CCNB2: variants seen among roughly 807,000 people sequenced by gnomAD.
CCNB2 encodes G2/mitotic-specific cyclin-B2.
A neutral mutation model predicts 51.1 loss-of-function variants in CCNB2; 39 were observed. The ratio of observed to expected loss-of-function variants is 0.76; its 90% CI spans 0.59 to 1.00. The LOEUF is 1.00. Ranked by LOEUF, CCNB2 falls within the 50% of genes least tolerant of loss-of-function variation. The probability of loss-of-function intolerance (pLI) is 0.00; values close to 1 mark genes in which losing one functional copy is unlikely to be tolerated. For missense variants in CCNB2, 472 were observed against 470.3 expected (o/e 1.00, Z -0.03); for synonymous variants, 174 against 165.5 (o/e 1.05, Z -0.40).
At chr15:59,112,144 A>T (rs1663005106) in intron 3 of CCNB2, among the ~76,000 whole-genome samples, 1 of 151,808 alleles carries the variant, frequency 6.6e-6, no homozygotes, top group Non-Finnish European at 1.5e-5. Flanking sequence ...GAGCCACCGC[A>T]CTTGGCCTGG....
In CCNB2 at chr15:59,105,180, C is replaced by A; in HGVS notation, c.-89C>A. The A allele has an allele frequency of 7.7e-7, 1 of 1,296,854 alleles. No homozygotes were observed. Among genetic ancestry groups the A allele is most frequent in the Non-Finnish European group, 1.1e-6 (1 of 926,416 alleles). 80.3% of individuals were successfully genotyped at this position (1,296,854 alleles called of 1,614,324 possible). On this transcript the variant is annotated 5_prime_UTR_variant, in exon 1 of 9. Coordinates refer to ENST00000288207, the MANE Select transcript of CCNB2 (RefSeq NM_004701.4). ...CAGCGCTGCGGGCTCGGAGAGCAGT[C>A]CTAACGGCGCCTCGTACGCTAGTGT...
chr15:59,121,925 CTG>C (rs1231867723), intron 7 of CCNB2, among the ~76,000 whole-genome samples: 1 of 101,550 alleles, frequency 9.8e-6, no homozygotes, highest in Non-Finnish European at 1.8e-5. Context: ...GAATGAGACT[CTG>C]TCTCAAAAAA....
intron 6 of CCNB2, 54 bp downstream of exon 6, chr15:59,116,980 A>G: frequency 1.4e-6 from 2 of 1,410,560 alleles, no homozygotes; most frequent in Non-Finnish European, 2.0e-6. Context: ...CTCATCCCAG[A>G]AACCTTGACC....
chr15:59,120,493 C>G (rs777888574), intron 7 of CCNB2, among the ~76,000 whole-genome samples: 1 of 151,932 alleles, frequency 6.6e-6, no homozygotes, highest in African/African-American at 2.4e-5. Flanking sequence ...TAGGAACTGG[C>G]TTGAAAGGAC....
intron 3 of CCNB2, among the ~76,000 whole-genome samples, chr15:59,112,379 C>G (rs1337470837): frequency 6.6e-6 from 1 of 150,932 alleles, no homozygotes; most frequent in Non-Finnish European, 1.5e-5. Flanking sequence ...GAGTCTCGCT[C>G]TGTCACCCAG....
chr15:59,105,358 T>C (rs1046722432), intron 1 of CCNB2, 66 bp downstream of exon 1: 1 of 1,499,562 alleles, frequency 6.7e-7, no homozygotes, highest in Non-Finnish European at 9.0e-7. Context: ...CTGTCGCTTC[T>C]CTCATCTGCT....
At position 59,123,550 on chromosome 15, in the gene CCNB2, G is replaced by C; in HGVS notation, c.1009G>C (p.Glu337Gln). 1.2e-6 allele frequency: 2 copies of C among 1,613,220 alleles called. No homozygotes were observed. Among genetic ancestry groups the C allele is most frequent in the Non-Finnish European group, 1.7e-6 (2 of 1,179,208 alleles). ...GCAGCAGTATTACACAGGATACACA[G>C]AGAATGAAGTATTGGAAGTCATGCA... ...LKQQYYTGYT[E>Q]NEVLEVMQHM... Residue 337 changes from glutamate to glutamine, a missense_variant, in exon 8 of 9, where the codon GAG (glutamate) becomes CAG (glutamine). Physicochemically the swap from Glu to Gln is conservative, Grantham distance 29 (BLOSUM62 2). Coordinates refer to ENST00000288207, the MANE Select transcript of CCNB2 (RefSeq NM_004701.4).
chr15:59,123,949 G>C (rs1309680139), intron 8 of CCNB2: 1 of 219,768 alleles, frequency 4.6e-6, no homozygotes, highest in Non-Finnish European at 9.3e-6. Context: ...CACTTTGCAA[G>C]CAGGGAAGGC....
chr15:59,113,823 C>A (rs139692114), intron 3 of CCNB2, among the ~76,000 whole-genome samples: 4 of 152,246 alleles, frequency 2.6e-5, no homozygotes, highest in African/African-American at 7.2e-5. Context: ...CCTCAGCCTC[C>A]TGAGTAGCTG....
chr15:59,105,352 C>G, intron 1 of CCNB2, 60 bp downstream of exon 1: 2 of 1,519,954 alleles, frequency 1.3e-6, no homozygotes, highest in Non-Finnish European at 1.8e-6. Flanking sequence ...GCTCCCCTGT[C>G]GCTTCTCTCA....
At chr15:59,121,968 A>G (rs529520590) in intron 7 of CCNB2, among the ~76,000 whole-genome samples, 3 of 141,672 alleles carry the variant, frequency 2.1e-5, no homozygotes, top group African/African-American at 8.1e-5. Flanking sequence ...AAAAGGAGAA[A>G]TTACCCAGGC....
At chr15:59,115,304 C>T (rs2079274494) in intron 5 of CCNB2, among the ~76,000 whole-genome samples, 1 of 152,116 alleles carries the variant, frequency 6.6e-6, no homozygotes, top group South Asian at 2.1e-4. Context: ...TCCACATTTC[C>T]AGCCAACTAT....
At chr15:59,106,138 C>T (rs1296409739) in intron 1 of CCNB2, among the ~76,000 whole-genome samples, 1 of 152,166 alleles carries the variant, frequency 6.6e-6, no homozygotes, top group Admixed American at 6.5e-5. Context: ...TGCCAATTTT[C>T]CTATCCAGAT....
chr15:59,120,585 A>G (rs1462141542), intron 7 of CCNB2, among the ~76,000 whole-genome samples: 1 of 152,230 alleles, frequency 6.6e-6, no homozygotes, highest in East Asian at 1.9e-4. Flanking sequence ...TCCTGGGACC[A>G]TAATGACATA....
rs779617648 is a variant in CCNB2, at chr15:59,116,893, A to T, written c.801A>T (p.Leu267=). Residue 267 remains leucine (L), a synonymous_variant, in exon 6 of 9, where the codon CTA becomes CTT. Transcript: ENST00000288207. The stretch of plus-strand genomic sequence containing the variant: ...TTGAGTTGGGTCGACCCTTGCCACT[A>T]CACTTCTTAAGGCGAGCATCAAAAG... The part of the protein sequence containing the change: ...LKFELGRPLP[L]HFLRRASKAG... 1 of 1,613,990 alleles carries T rather than the reference A, an allele frequency of 6.2e-7. No homozygotes were observed. The highest frequency in any genetic ancestry group is 1.3e-5 in the African/African-American group (1 of 74,894).
chr15:59,123,702 G>GA, intron 8 of CCNB2, 75 bp downstream of exon 8: 1 of 677,802 alleles, frequency 1.5e-6, no homozygotes, highest in South Asian at 1.6e-5. Context: ...GCGGGGGGGG[G>GA]CGGTGTGTGC....
intron 3 of CCNB2, among the ~76,000 whole-genome samples, chr15:59,108,962 T>C (rs2140285816): frequency 6.6e-6 from 1 of 152,348 alleles, no homozygotes; most frequent in South Asian, 2.1e-4. Context: ...TTTCAGACCT[T>C]GATCTCTTAG....
At chr15:59,120,698 T>C (rs1202628919) in intron 7 of CCNB2, among the ~76,000 whole-genome samples, 1 of 152,192 alleles carries the variant, frequency 6.6e-6, no homozygotes, top group African/African-American at 2.4e-5. Flanking sequence ...ATGTAATAAT[T>C]TATTCAAGCA....
chr15:59,113,060 A>T (rs2414619), intron 3 of CCNB2, among the ~76,000 whole-genome samples: 66,675 of 151,800 alleles, frequency 0.44, 15,593 homozygotes, highest in African/African-American at 0.61. Flanking sequence ...AAAAAAGCAA[A>T]GATTTTTTTA....
Sources: allele counts gnomAD v4.1 joint callset (sites outside exome capture counted in the v4.1 genomes callset), GRCh38; gene constraint gnomAD v4.1.1; transcripts MANE v1.5; gene names NCBI Gene and HGNC (gene_info 2026-07-23, HGNC 2026-07-21).